The following SMOC2 variants were observed in gnomAD, a reference collection of about 807,000 sequenced individuals.
SMOC2 encodes SPARC-related modular calcium-binding protein 2.
SMOC2 carries 39 observed loss-of-function variants against 61.4 expected under a neutral mutation model. That is an observed-to-expected ratio of 0.64 (90% CI 0.49 to 0.83). SMOC2 has a LOEUF of 0.83. SMOC2 is among the 40% of genes least tolerant of loss of function. SMOC2 has a pLI of 0.00. For missense variants in SMOC2, 556 were observed against 592.9 expected (o/e 0.94, Z 0.65); for synonymous variants, 247 against 239.9 (o/e 1.03, Z -0.27).
intron 7 of SMOC2, among the ~76,000 whole-genome samples, chr6:168,576,779 G>T (rs2115151587): frequency 6.6e-6 from 1 of 152,162 alleles, no homozygotes; most frequent in East Asian, 1.9e-4. Context: ...TCGTGATCGT[G>T]TTCAGGGATC....
At chr6:168,523,698 C>T (rs561581657) in intron 2 of SMOC2, among the ~76,000 whole-genome samples, 5 of 152,156 alleles carry the variant, frequency 3.3e-5, no homozygotes, top group East Asian at 3.9e-4. Context: ...CGCACCTGGC[C>T]GTCATACAGT....
At chr6:168,652,041 CAAAAA>C (rs34341178) in intron 10 of SMOC2, among the ~76,000 whole-genome samples, 1 of 129,076 alleles carries the variant, frequency 7.7e-6, no homozygotes, top group African/African-American at 3.1e-5. Flanking sequence ...AACTCTGTCT[CAAAAA>C]AAAAAAAAAA....
chr6:168,532,075 C>CAGTTTAGAGATGTATGTGCTTCTCAG (rs1783618720), intron 4 of SMOC2, among the ~76,000 whole-genome samples: 1 of 152,146 alleles, frequency 6.6e-6, no homozygotes, highest in South Asian at 2.1e-4. Flanking sequence ...TTCTTGCTCA[C>CAGTTTAGAGATGTATGTGCTTCTCAG]AGTTTAGAGA....
intron 9 of SMOC2, among the ~76,000 whole-genome samples, chr6:168,632,555 C>G (rs979264577): frequency 1.3e-5 from 2 of 152,276 alleles, no homozygotes; most frequent in Non-Finnish European, 2.9e-5. Flanking sequence ...CGTACACAAC[C>G]CAGGTGCATG....
intron 1 of SMOC2, among the ~76,000 whole-genome samples, chr6:168,478,510 G>A (rs1782138815): frequency 1.3e-5 from 2 of 152,148 alleles, no homozygotes. Context: ...AACAAAATAA[G>A]ATGAACTGCC....
chr6:168,560,078 C>T (rs1389272869), intron 7 of SMOC2, among the ~76,000 whole-genome samples: 2 of 152,202 alleles, frequency 1.3e-5, no homozygotes, highest in African/African-American at 4.8e-5. Context: ...CATAATTATT[C>T]TTCTCTAAAA....
rs533022192 is a variant in SMOC2, at chr6:168,472,166, T to G, written c.84+30712T>G. Among the ~76,000 whole-genome samples, 8 of 152,290 alleles carry G rather than the reference T, an allele frequency of 5.3e-5. No homozygotes were observed. In the East Asian group the frequency reaches 1.5e-3, roughly 29 times the overall value. ...TTTCCTCCATGTTTTCTTCTAGGAA[T>G]TTTATAGTTTTGAGTCTTAGGTTTA... is the stretch of plus-strand genomic sequence containing the variant. On this transcript the variant is annotated intron_variant, in intron 1 of 12. Coordinates refer to ENST00000356284, the MANE Select transcript of SMOC2 (RefSeq NM_001166412.2).
At chr6:168,626,369 C>T (rs914797203) in intron 9 of SMOC2, among the ~76,000 whole-genome samples, 4 of 152,146 alleles carry the variant, frequency 2.6e-5, no homozygotes, top group East Asian at 1.9e-4. Context: ...GAATAATTGA[C>T]GATGTGTGCG....
At chr6:168,626,872 C>T (rs1156243450) in intron 9 of SMOC2, among the ~76,000 whole-genome samples, 7 of 152,142 alleles carry the variant, frequency 4.6e-5, no homozygotes, top group Non-Finnish European at 2.9e-5. Flanking sequence ...GATAGAGACC[C>T]GGGGCCCTGA....
At chr6:168,611,079 C>T (rs1239488364) in intron 9 of SMOC2, among the ~76,000 whole-genome samples, 1 of 152,248 alleles carries the variant, frequency 6.6e-6, no homozygotes, top group Non-Finnish European at 1.5e-5. Flanking sequence ...GTTACTCTGT[C>T]TCTCCAGCCT....
chr6:168,496,487 G>A (rs1163350614), intron 1 of SMOC2, among the ~76,000 whole-genome samples: 1 of 152,228 alleles, frequency 6.6e-6, no homozygotes, highest in East Asian at 1.9e-4. Flanking sequence ...TGGTTTGTGT[G>A]TTGGACTGTC....
chr6:168,603,756 G>A (rs917135405), intron 8 of SMOC2, among the ~76,000 whole-genome samples: 7 of 151,882 alleles, frequency 4.6e-5, no homozygotes, highest in Admixed American at 3.9e-4. Context: ...TTGGGATGGG[G>A]CACAGCTTGA....
At chr6:168,469,102 T>G (rs1356743855) in intron 1 of SMOC2, among the ~76,000 whole-genome samples, 1 of 152,200 alleles carries the variant, frequency 6.6e-6, no homozygotes, top group East Asian at 1.9e-4. Context: ...TTCTAATGGG[T>G]CAGACCCAGC....
intron 4 of SMOC2, among the ~76,000 whole-genome samples, chr6:168,540,406 C>A (rs1783852029): frequency 6.6e-6 from 1 of 152,204 alleles, no homozygotes. Flanking sequence ...GCGCACACAG[C>A]ACATCTTTGG....
At chr6:168,545,408 A>G (rs1295976350) in intron 5 of SMOC2, among the ~76,000 whole-genome samples, 1 of 152,134 alleles carries the variant, frequency 6.6e-6, no homozygotes, top group Non-Finnish European at 1.5e-5. Context: ...CACTTCACAC[A>G]CTCTGATAGA....
intron 1 of SMOC2, among the ~76,000 whole-genome samples, chr6:168,470,247 C>G (rs1781940941): frequency 6.6e-6 from 1 of 152,182 alleles, no homozygotes. Context: ...GCTGTGAGTC[C>G]TTTTGGACAT....
chr6:168,549,972 G>A (rs1049072584), intron 7 of SMOC2, among the ~76,000 whole-genome samples: 2 of 152,166 alleles, frequency 1.3e-5, no homozygotes, highest in African/African-American at 4.8e-5. Flanking sequence ...GTGTTTGAGA[G>A]AACTTTCACC....
intron 1 of SMOC2, among the ~76,000 whole-genome samples, chr6:168,509,129 G>A (rs992096181): frequency 2.0e-5 from 3 of 152,180 alleles, no homozygotes; most frequent in Non-Finnish European, 4.4e-5. Context: ...CGCCCAGATC[G>A]GAGGCTTCCC....
chr6:168,662,428 C>T (rs1787531842), intron 11 of SMOC2, among the ~76,000 whole-genome samples: 1 of 152,160 alleles, frequency 6.6e-6, no homozygotes, highest in Admixed American at 6.5e-5. Context: ...GGGTGGAGAG[C>T]AGCCTGCAGA....
Sources: gnomAD v4.1 joint callset for allele counts (sites outside exome capture counted in the v4.1 genomes callset) on GRCh38, gnomAD v4.1.1 for gene constraint, MANE v1.5 for transcripts, NCBI Gene and HGNC (gene_info 2026-07-23, HGNC 2026-07-21) for gene names.